Variants in TRIM14 observed in about 807,000 individuals in gnomAD.
The protein encoded by TRIM14 is tripartite motif-containing protein 14.
Under a neutral mutation model 44.5 loss-of-function variants are expected in TRIM14, and 28 were observed. That is an observed-to-expected ratio of 0.63 (90% CI 0.47 to 0.86). The LOEUF (loss-of-function observed/expected upper bound fraction) is 0.86, where lower values mean the gene tolerates loss of function less well. Ranked by LOEUF, TRIM14 falls within the 40% of genes least tolerant of loss-of-function variation. The pLI is 0.00. For synonymous variants in TRIM14, 299 were observed against 269.2 expected, an observed-to-expected ratio of 1.11 and a Z score of -1.08; for missense variants, 607 against 611.1, an observed-to-expected ratio of 0.99 and a Z score of 0.07.
At chr9:98,055,885 G>A in the TRIM14 span, among the ~76,000 whole-genome samples, 4 of 151,866 alleles carry the variant, frequency 2.6e-5, no homozygotes, top group Admixed American at 2.6e-4. Flanking sequence ...TTACAGGCAC[G>A]CACCACCACG....
the TRIM14 span, among the ~76,000 whole-genome samples, chr9:98,044,368 CTTTTTTTTTTTTTT>C: frequency 8.1e-5 from 9 of 110,482 alleles, no homozygotes; most frequent in Admixed American, 4.8e-4. Flanking sequence ...TGCCCTTTCT[CTTTTTTTTTTTTTT>C]TTTTTTTTTT....
intron 1 of TRIM14, among the ~76,000 whole-genome samples, chr9:98,118,678 C>A (rs1018100811): frequency 1.3e-5 from 2 of 152,214 alleles, no homozygotes; most frequent in Admixed American, 1.3e-4. Flanking sequence ...GGCAGTGTGG[C>A]GGATCGGCCA....
At position 98,094,219 on chromosome 9, in the gene TRIM14, C is replaced by T. The variant is rs1826101475; in HGVS notation, c.700+648G>A. 2.0e-5 allele frequency among the ~76,000 whole-genome samples: 3 copies of T among 152,198 alleles called. No homozygotes were observed. The South Asian group carries it at 6.2e-4, about 31-fold the overall frequency. ...AAATGTTCTGAATGAATCATGATAG[C>T]AGAGGTGAATGAATGAATGAATGCA... On this transcript the variant is annotated intron_variant, in intron 4 of 5. Transcript: ENST00000341469.
the TRIM14 span, among the ~76,000 whole-genome samples, chr9:98,043,739 G>A: frequency 6.7e-6 from 1 of 149,342 alleles, no homozygotes; most frequent in Non-Finnish European, 1.5e-5. Context: ...AAAAAAAAAA[G>A]TTTGGATCTA....
rs1267867530 is a variant in TRIM14, at chr9:98,084,379, T to C, written c.*3091A>G. On this transcript the variant is annotated 3_prime_UTR_variant, in exon 6 of 6. Transcript: ENST00000341469. ...TAAAAGGGACATTATTCACATTTTA[T>C]TAAACCAAATATTAGAAAATTGCTG... The C allele has an allele frequency of 2.0e-5, 3 of 152,218 alleles. No homozygotes were observed. The highest frequency in any genetic ancestry group is 7.2e-5 in the African/African-American group (3 of 41,438). The allele number at this position is 152,218 out of a possible 1,614,324, so 9.4% of individuals were successfully genotyped here.
rs1168678257 is a variant in TRIM14 at position 98,105,787 on chromosome 9, C to T, written c.303+4102G>A. ...CACAGAGTACCTGGCCACATTCCAG[C>T]TGAGAGTGGAAAGGAGTGACCTGCA... On this transcript the variant is annotated intron_variant, in intron 2 of 5. Coordinates refer to ENST00000341469, the MANE Select transcript of TRIM14 (RefSeq NM_014788.4). 3.3e-5 allele frequency among the ~76,000 whole-genome samples: 5 copies of T among 152,056 alleles called. No homozygotes were observed. The South Asian group carries it at 1.0e-3, about 32-fold the overall frequency.
At chr9:98,072,084 G>C (rs1373571571) in intron 6 of TRIM14, among the ~76,000 whole-genome samples, 1 of 152,178 alleles carries the variant, frequency 6.6e-6, no homozygotes, top group Non-Finnish European at 1.5e-5. Flanking sequence ...TTTAGAGTCA[G>C]GCTCTCTGAG....
chr9:98,087,950 G>C lies in TRIM14; in HGVS notation c.849C>G (p.Ser283=), dbSNP rs1397109157. ...PDTMHARLRL[S]ADRLTVRCGL... Reference sequence around the variant, plus strand: ...CGCAGCGCACCGTCAGGCGATCGGCGGACAGGCGCAGGCGCGCGTGCATCG... The same window carrying C: ...CGCAGCGCACCGTCAGGCGATCGGCCGACAGGCGCAGGCGCGCGTGCATCG... The change falls in exon 6 of 6, where the codon TCC becomes TCG. Residue 283 remains serine (S), a synonymous_variant. Transcript: ENST00000341469. The C allele has an allele frequency of 6.4e-6, 10 of 1,566,026 alleles. No homozygotes were observed. Among genetic ancestry groups the C allele is most frequent in the African/African-American group, 2.8e-5 (2 of 70,918 alleles).
chr9:98,107,655 C>T (rs1826671405), intron 2 of TRIM14, among the ~76,000 whole-genome samples: 1 of 149,330 alleles, frequency 6.7e-6, no homozygotes, highest in Admixed American at 6.6e-5. Context: ...AGGGAGGTGA[C>T]CATAAAGGTG....
rs781517295 is a variant in TRIM14 at position 98,078,308 on chromosome 9, C to T, written c.*29-8621G>A. On this transcript the variant is annotated intron_variant, in intron 6 of 6. Coordinates refer to the TRIM14 transcript ENST00000375098. ...GCTTCTTGCAGTGTACCAGCGCATA[C>T]CCGCTCCAGCCTGAGGACGTCAACC... 5 of 1,614,068 alleles carry T rather than the reference C, an allele frequency of 3.1e-6. No individual in the cohort carries two copies. Among genetic ancestry groups the T allele is most frequent in the Non-Finnish European group, 4.2e-6 (5 of 1,180,014 alleles).
downstream of TRIM14, among the ~76,000 whole-genome samples, chr9:98,084,097 G>A (rs1295172120): frequency 6.6e-6 from 1 of 152,176 alleles, no homozygotes; most frequent in Non-Finnish European, 1.5e-5. Context: ...GAGCTGTGAT[G>A]TGGACACGCT....
chr9:98,097,226 T>G (rs139368606), intron 3 of TRIM14, among the ~76,000 whole-genome samples: 1,668 of 152,128 alleles, frequency 0.011, 15 homozygotes, highest in Non-Finnish European at 0.013. Flanking sequence ...CTGTCTCCTA[T>G]CTCATTACAG....
intron 6 of TRIM14, chr9:98,077,151 T>C: frequency 1.5e-6 from 1 of 672,180 alleles, no homozygotes; most frequent in East Asian, 2.8e-5. Context: ...TAAATAGAGA[T>C]AGGGTCTCGC....
At chr9:98,110,471 C>T (rs1186761995) in intron 1 of TRIM14, among the ~76,000 whole-genome samples, 4 of 152,182 alleles carry the variant, frequency 2.6e-5, no homozygotes, top group African/African-American at 9.6e-5. Context: ...GCTCTTCCCA[C>T]CTTCCATATC....
chr9:98,047,352 GT>G, the TRIM14 span, among the ~76,000 whole-genome samples: 1 of 152,146 alleles, frequency 6.6e-6, no homozygotes, highest in Admixed American at 6.5e-5. Flanking sequence ...AGTCCTGGGT[GT>G]GTCTTTATCA....
downstream of TRIM14, among the ~76,000 whole-genome samples, chr9:98,065,602 G>A (rs76598821): frequency 6.8e-6 from 1 of 146,486 alleles, no homozygotes; most frequent in East Asian, 2.0e-4. Flanking sequence ...GCCTCCCAAA[G>A]TGTTAGGATT....
chr9:98,094,719 G>T, intron 4 of TRIM14, 148 bp downstream of exon 4: 1 of 821,284 alleles, frequency 1.2e-6, no homozygotes. Flanking sequence ...AGGGTGGGTT[G>T]GGCACCAGGC....
intron 2 of TRIM14, 105 bp from the exon 3 acceptor site, chr9:98,100,269 G>A (rs966525532): frequency 2.3e-5 from 23 of 1,014,978 alleles, no homozygotes; most frequent in Non-Finnish European, 3.4e-5. Context: ...GTTCAGTAAA[G>A]TGGCCAGTCA....
chr9:98,070,765 A>G (rs1479951247), intron 6 of TRIM14, among the ~76,000 whole-genome samples: 1 of 151,914 alleles, frequency 6.6e-6, no homozygotes, highest in Non-Finnish European at 1.5e-5. Flanking sequence ...ATAAAACCAC[A>G]TCAAAAAATA....
Sources: allele counts gnomAD v4.1 joint callset (sites outside exome capture counted in the v4.1 genomes callset), GRCh38; gene constraint gnomAD v4.1.1; transcripts MANE v1.5; gene names NCBI Gene and HGNC (gene_info 2026-07-23, HGNC 2026-07-21).